The following SYN2 variants were observed in gnomAD, a reference collection of about 807,000 sequenced individuals.
SYN2 encodes the protein synapsin II.
A neutral mutation model predicts 50.9 loss-of-function variants in SYN2; 19 were observed. The observed-to-expected ratio is 0.37, with a 90% CI of 0.26 to 0.55. The LOEUF (loss-of-function observed/expected upper bound fraction) is 0.55. Ranked by LOEUF, SYN2 falls within the 20% of genes least tolerant of loss-of-function variation. SYN2 has a pLI of 0.81. For missense variants in SYN2, 587 were observed against 576.4 expected, an observed-to-expected ratio of 1.02 and a Z score of -0.19; for synonymous variants, 255 against 224.9, an observed-to-expected ratio of 1.13 and a Z score of -1.20.
At chr3:12,083,958 G>C (rs1695635031) in intron 1 of SYN2, among the ~76,000 whole-genome samples, 1 of 152,162 alleles carries the variant, frequency 6.6e-6, no homozygotes, top group South Asian at 2.1e-4. Flanking sequence ...GGTTGGGATA[G>C]GGAGAGGAGA....
rs901442681 is a variant in SYN2, at chr3:12,191,173, G to A, written c.*548G>A. 68 of 985,392 alleles carry A rather than the reference G, an allele frequency of 6.9e-5. No homozygotes were observed. Among genetic ancestry groups the A allele is most frequent in the Non-Finnish European group, 8.1e-5 (67 of 829,974 alleles). The allele number at this position is 985,392 out of a possible 1,614,324, so 61.0% of individuals were successfully genotyped here. A position where few individuals can be genotyped will look rare whatever the true frequency, so the allele number is the denominator to read the frequency against. On this transcript the variant is annotated 3_prime_UTR_variant, in exon 13 of 13. Transcript: ENST00000621198. Reference sequence around the variant, plus strand: ...CCAACTTACAAGATCTTAGGCTGCTGTGGTGGTGAAGCACCTTGAGTCTGC... The same window carrying A: ...CCAACTTACAAGATCTTAGGCTGCTATGGTGGTGAAGCACCTTGAGTCTGC...
At chr3:12,158,795 G>A (rs762681722) in intron 5 of SYN2, 12 of 1,602,550 alleles carry the variant, frequency 7.5e-6, no homozygotes, top group Admixed American at 3.3e-5. Flanking sequence ...GCCAGCAGCC[G>A]CAGCAACAGC....
intron 1 of SYN2, among the ~76,000 whole-genome samples, chr3:12,137,659 G>T (rs1175581650): frequency 6.6e-6 from 1 of 152,148 alleles, no homozygotes; most frequent in Non-Finnish European, 1.5e-5. Flanking sequence ...CCATCAATAT[G>T]TGCTGAAAGC....
intron 1 of SYN2, among the ~76,000 whole-genome samples, chr3:12,016,662 G>T (rs1322641377): frequency 6.6e-6 from 1 of 152,176 alleles, no homozygotes; most frequent in African/African-American, 2.4e-5. Flanking sequence ...TTTGAGACCA[G>T]CCTGGCCAAT....
intron 5 of SYN2, among the ~76,000 whole-genome samples, chr3:12,156,624 C>T (rs888982621): frequency 5.3e-5 from 8 of 152,182 alleles, no homozygotes; most frequent in Admixed American, 2.0e-4. Context: ...GTACTAAGAA[C>T]TCTTACATTT....
chr3:12,073,957 A>G (rs1263920605), intron 1 of SYN2, among the ~76,000 whole-genome samples: 1 of 152,182 alleles, frequency 6.6e-6, no homozygotes, highest in Non-Finnish European at 1.5e-5. Flanking sequence ...TACCACTTCA[A>G]TTGTAGACTC....
intron 1 of SYN2, among the ~76,000 whole-genome samples, chr3:12,057,197 C>A (rs754551734): frequency 6.6e-6 from 1 of 151,834 alleles, no homozygotes; most frequent in South Asian, 2.1e-4. Context: ...GAGGCTGAGG[C>A]AGGAGAATTG....
At chr3:12,148,039 G>T (rs1393849567) in intron 4 of SYN2, among the ~76,000 whole-genome samples, 1 of 152,096 alleles carries the variant, frequency 6.6e-6, no homozygotes, top group African/African-American at 2.4e-5. Context: ...GCGTGAACCC[G>T]GGAGGCGGAG....
chr3:12,134,988 A>C (rs768468955), intron 1 of SYN2, among the ~76,000 whole-genome samples: 1 of 152,196 alleles, frequency 6.6e-6, no homozygotes, highest in Non-Finnish European at 1.5e-5. Flanking sequence ...GAATTTAGTG[A>C]CAAACCACGG....
intron 1 of SYN2, among the ~76,000 whole-genome samples, chr3:12,116,035 T>A (rs115786886): frequency 0.033 from 5,083 of 152,204 alleles, 312 homozygotes; most frequent in African/African-American, 0.12. Flanking sequence ...AGTCATTGAG[T>A]CAGGATTAGA....
At position 12,012,912 on chromosome 3, in the gene SYN2, C is replaced by T. The variant is rs549413850; in HGVS notation, c.377+7984C>T. On this transcript the variant is annotated intron_variant, in intron 1 of 12. Coordinates refer to ENST00000621198, the MANE Select transcript of SYN2 (RefSeq NM_133625.6). ...TCACCTTCCTAATCACTCTTCCAAACATGAAAGATAAATCTCACTCGTTAC... is the reference window on the plus strand; with the variant it reads ...TCACCTTCCTAATCACTCTTCCAAATATGAAAGATAAATCTCACTCGTTAC... 1.3e-4 allele frequency among the ~76,000 whole-genome samples: 20 copies of T among 152,300 alleles called. No individual in the cohort carries two copies. The South Asian group carries it at 3.9e-3, about 30-fold the overall frequency.
chr3:12,084,986 C>A (rs1338910347), intron 1 of SYN2, among the ~76,000 whole-genome samples: 1 of 83,848 alleles, frequency 1.2e-5, no homozygotes, highest in Non-Finnish European at 2.4e-5. Context: ...AAAGGGTCTA[C>A]AAATTAACTA....
At chr3:12,066,302 A>C (rs1695217110) in intron 1 of SYN2, among the ~76,000 whole-genome samples, 1 of 152,208 alleles carries the variant, frequency 6.6e-6, no homozygotes, top group African/African-American at 2.4e-5. Flanking sequence ...CTATCTTAAT[A>C]GTTTTTTTGG....
intron 1 of SYN2, among the ~76,000 whole-genome samples, chr3:12,103,629 G>T (rs977621215): frequency 3.3e-5 from 5 of 152,090 alleles, no homozygotes; most frequent in Admixed American, 2.6e-4. Context: ...TGAGAAACCC[G>T]CTTCCAAGGT....
intron 10 of SYN2, among the ~76,000 whole-genome samples, chr3:12,172,772 C>T (rs1393217081): frequency 1.3e-5 from 2 of 152,184 alleles, no homozygotes; most frequent in African/African-American, 4.8e-5. Context: ...GTGACAAAGA[C>T]ACTCCTATCA....
At chr3:12,015,124 T>G (rs975332518) in intron 1 of SYN2, among the ~76,000 whole-genome samples, 1 of 152,236 alleles carries the variant, frequency 6.6e-6, no homozygotes, top group African/African-American at 2.4e-5. Flanking sequence ...TTTGTACTAC[T>G]TGTGCTTCCT....
chr3:12,059,154 AAGG>A (rs905724796), intron 1 of SYN2, among the ~76,000 whole-genome samples: 34 of 152,374 alleles, frequency 2.2e-4, no homozygotes, highest in African/African-American at 7.7e-4. Context: ...GGCACCAAGC[AAGG>A]AGGACCAGGC....
intron 1 of SYN2, among the ~76,000 whole-genome samples, chr3:12,103,415 A>G (rs1261099283): frequency 6.6e-6 from 1 of 152,188 alleles, no homozygotes; most frequent in African/African-American, 2.4e-5. Flanking sequence ...GGAATTTAAA[A>G]AGACAATTAA....
At chr3:12,012,149 GC>G (rs1447249987) in intron 1 of SYN2, among the ~76,000 whole-genome samples, 2 of 151,624 alleles carry the variant, frequency 1.3e-5, no homozygotes, top group African/African-American at 4.9e-5. Context: ...TTTTCAAAAG[GC>G]AATATAACTT....
Sources: allele counts gnomAD v4.1 joint callset (sites outside exome capture counted in the v4.1 genomes callset), GRCh38; gene constraint gnomAD v4.1.1; transcripts MANE v1.5; gene names NCBI Gene and HGNC (gene_info 2026-07-23, HGNC 2026-07-21).